MMACHC: variants seen among roughly 807,000 people sequenced by gnomAD.
MMACHC encodes cyanocobalamin reductase / alkylcobalamin dealkylase.
A neutral mutation model predicts 17.6 loss-of-function variants in MMACHC; 14 were observed. The ratio of observed to expected loss-of-function variants is 0.80; its 90% CI spans 0.53 to 1.25. MMACHC has a LOEUF of 1.25. MMACHC is among the 50% of genes most tolerant of loss of function. The pLI, the probability that MMACHC is intolerant of heterozygous loss-of-function variation, is 0.00. For missense variants in MMACHC, 392 were observed against 364.5 expected (o/e 1.08, Z -0.62); for synonymous variants, 151 against 142.1 (o/e 1.06, Z -0.45).
chr1:45,510,558 G>A lies in MMACHC; in HGVS notation c.*1343G>A, dbSNP rs1643722601. 6.8e-6 allele frequency: 1 copy of A among 146,856 alleles called. No homozygotes were observed. Among genetic ancestry groups the A allele is most frequent in the African/African-American group, 2.5e-5 (1 of 39,458 alleles). 9.1% of individuals were successfully genotyped at this position (146,856 alleles called of 1,614,324 possible). A position where few individuals can be genotyped will look rare whatever the true frequency, so the allele number is the denominator to read the frequency against. Reference sequence around the variant, plus strand: ...TCTCTAATCAAGGCTAGAACCAAGGGAAGGCTAAGAATTGCCCAGTACTGT... The same window carrying A: ...TCTCTAATCAAGGCTAGAACCAAGGAAAGGCTAAGAATTGCCCAGTACTGT... On this transcript the variant is annotated 3_prime_UTR_variant, in exon 4 of 4. Coordinates refer to ENST00000401061, the MANE Select transcript of MMACHC (RefSeq NM_015506.3).
chr1:45,505,401 C>G (rs1048058667), intron 1 of MMACHC, among the ~76,000 whole-genome samples: 13 of 151,820 alleles, frequency 8.6e-5, no homozygotes, highest in Non-Finnish European at 1.5e-4. Context: ...TAAGCCGAGG[C>G]TGCGCCATTG....
Position 45,503,470 on chromosome 1 carries a change from CT to C in MMACHC, c.81+3058del, listed in dbSNP as rs573367619. On this transcript the variant is annotated intron_variant, in intron 1 of 3. Coordinates refer to ENST00000401061, the MANE Select transcript of MMACHC (RefSeq NM_015506.3). Reference sequence around the variant, plus strand: ...TTTTTTTTTGAGATGGAGTCTCACTCTGTTGCCCCGGCTGGAGTGCAATGGC... The same window carrying C: ...TTTTTTTTTGAGATGGAGTCTCACTCGTTGCCCCGGCTGGAGTGCAATGGC... Among the ~76,000 whole-genome samples, 473 of 123,334 alleles carry C rather than the reference CT, an allele frequency of 3.8e-3. 1 individual carries two copies. Among genetic ancestry groups the C allele is most frequent in the African/African-American group, 0.014 (453 of 32,646 alleles). The allele number at this position is 123,334 out of a possible 152,430, so 80.9% of individuals were successfully genotyped here.
In MMACHC at chr1:45,508,972, T is replaced by C. The variant is rs748881103; in HGVS notation, c.606T>C (p.Asp202=). The change falls in exon 4 of 4, where the codon GAT becomes GAC. Residue 202 remains aspartate (D), a synonymous_variant. Coordinates refer to ENST00000401061, the MANE Select transcript of MMACHC (RefSeq NM_015506.3). ...AAGGCTTCAATTTCCACTGGCGTGA[T>C]TGGACTTACCGGGATGCTGTGACAC... ...LLEGFNFHWR[D]WTYRDAVTPQ... is the part of the protein sequence containing the mutation. 21 of 1,614,050 alleles carry C rather than the reference T, an allele frequency of 1.3e-5. No individual in the cohort carries two copies. Among genetic ancestry groups the C allele is most frequent in the Admixed American group, 3.3e-5 (2 of 60,000 alleles).
intron 2 of MMACHC, 152 bp downstream of exon 2, chr1:45,507,702 C>A: frequency 1.0e-6 from 1 of 960,928 alleles, no homozygotes; most frequent in South Asian, 1.4e-5. Flanking sequence ...GATCTTTCCT[C>A]ATTCTGCCTT....
rs535908216 is a variant in MMACHC, at chr1:45,509,884, C to G, written c.*669C>G. On this transcript the variant is annotated 3_prime_UTR_variant, in exon 4 of 4. Coordinates refer to ENST00000401061, the MANE Select transcript of MMACHC (RefSeq NM_015506.3). The stretch of plus-strand genomic sequence containing the variant: ...ATCATGAGGTCGAGTTTGAGACCAG[C>G]CTGGCCAATACAGTGAAACCCCGTC... 5 of 151,910 alleles carry G rather than the reference C, an allele frequency of 3.3e-5. No homozygotes were observed. Among genetic ancestry groups the G allele is most frequent in the Admixed American group, 2.0e-4 (3 of 15,260 alleles). 9.4% of individuals were successfully genotyped at this position (151,910 alleles called of 1,614,324 possible).
chr1:45,507,439 G>A lies in MMACHC; in HGVS notation c.165G>A (p.Thr55=), dbSNP rs369883781. 7.9e-5 allele frequency: 127 copies of A among 1,613,930 alleles called. No individual in the cohort carries two copies. The highest frequency in any genetic ancestry group is 3.3e-4 in the Admixed American group (20 of 59,984). Reference sequence around the variant, plus strand: ...CCCTGGCCTTCCTGGTACTCAGCACGCCTGCCATGTTTGACCGGGCCCTCA... The same window carrying A: ...CCCTGGCCTTCCTGGTACTCAGCACACCTGCCATGTTTGACCGGGCCCTCA... ...GPTLAFLVLS[T]PAMFDRALKP... The change falls in exon 2 of 4, where the codon ACG becomes ACA. Residue 55 remains threonine (T), a synonymous_variant. Coordinates refer to ENST00000401061, the MANE Select transcript of MMACHC (RefSeq NM_015506.3).
chr1:45,500,523 T>C (rs1405053709), intron 1 of MMACHC, 110 bp downstream of exon 1: 4 of 1,046,848 alleles, frequency 3.8e-6, no homozygotes, highest in Non-Finnish European at 5.9e-6. Context: ...CAGCCCAGTG[T>C]CCATGTGACA....
intron 1 of MMACHC, among the ~76,000 whole-genome samples, chr1:45,501,473 G>GA (rs1031026026): frequency 5.3e-5 from 8 of 152,096 alleles, no homozygotes; most frequent in Non-Finnish European, 1.2e-4. Context: ...GGTCTTGCCA[G>GA]AAAAAATGGA....
rs1553163069 is a variant in MMACHC at position 45,509,432 on chromosome 1, T to TTTTTTTA, written c.*217_*218insTTTTTTA. On this transcript the variant is annotated 3_prime_UTR_variant, in exon 4 of 4. Transcript: ENST00000401061. ...TTCAAATGAGTTTTTTTTTTTTTTT[T>TTTTTTTA]AGACAGAGTCTTACTCTGTCACCTA... 1.3e-5 allele frequency: 7 copies of TTTTTTTA among 539,850 alleles called. No homozygotes were observed. Among genetic ancestry groups the TTTTTTTA allele is most frequent in the South Asian group, 6.5e-5 (3 of 45,836 alleles). The allele number at this position is 539,850 out of a possible 1,614,324, so 33.4% of individuals were successfully genotyped here. A position where few individuals can be genotyped will look rare whatever the true frequency, so the allele number is the denominator to read the frequency against.
rs979852061 is a variant in MMACHC at position 45,510,510 on chromosome 1, C to T, written c.*1295C>T. ...AGGAATTCAGAACCACTCTGGGCAA[C>T]ATAATGACACTAAAAAAGACTATCT... On this transcript the variant is annotated 3_prime_UTR_variant, in exon 4 of 4. Transcript: ENST00000401061. The T allele has an allele frequency of 1.2e-4, 18 of 152,216 alleles. No homozygotes were observed. The highest frequency in any genetic ancestry group is 3.6e-4 in the African/African-American group (15 of 41,434). 9.4% of individuals were successfully genotyped at this position (152,216 alleles called of 1,614,324 possible).
chr1:45,511,704 C>A lies in MMACHC; in HGVS notation c.*2489C>A, dbSNP rs1027652096. 8 of 256,766 alleles carry A rather than the reference C, an allele frequency of 3.1e-5. No individual in the cohort carries two copies. Among genetic ancestry groups the A allele is most frequent in the Non-Finnish European group, 5.9e-5 (8 of 135,942 alleles). The allele number at this position is 256,766 out of a possible 1,614,324, so 15.9% of individuals were successfully genotyped here. A position where few individuals can be genotyped will look rare whatever the true frequency, so the allele number is the denominator to read the frequency against. ...AATAATTTGCCAACACTCTCTAATC[C>A]TTAAGGGGAAAAAAAAGCTAAATAA... is the stretch of plus-strand genomic sequence containing the variant. On this transcript the variant is annotated 3_prime_UTR_variant, in exon 4 of 4. Transcript: ENST00000401061.
rs774414508 is a variant in MMACHC, at chr1:45,507,405, C to G, written c.131C>G (p.Pro44Arg). Residue 44 changes from proline (P) to arginine (R), a missense_variant, in exon 2 of 4, where the codon CCA becomes CGA. Pro to Arg is a moderately radical substitution (Grantham distance 103). Coordinates refer to ENST00000401061, the MANE Select transcript of MMACHC (RefSeq NM_015506.3). ...LLPPAFHLPL[P>R]GPTLAFLVLS... The stretch of plus-strand genomic sequence containing the variant: ...CCTCCAGCCTTCCACCTACCGCTGC[C>G]AGGACCTACCCTGGCCTTCCTGGTA... 3 of 1,614,072 alleles carry G rather than the reference C, an allele frequency of 1.9e-6. No individual in the cohort carries two copies. The African/African-American group carries it at 4.0e-5, about 22-fold the overall frequency.
chr1:45,507,881 C>T (rs1643658707), intron 2 of MMACHC, among the ~76,000 whole-genome samples: 1 of 152,202 alleles, frequency 6.6e-6, no homozygotes. Flanking sequence ...TTGTCCTAGA[C>T]CTGCAAGCTT....
Position 45,501,332 on chromosome 1 carries a change from A to T in MMACHC, c.81+919A>T, listed in dbSNP as rs538792322. Among the ~76,000 whole-genome samples, 9 of 152,298 alleles carry T rather than the reference A, an allele frequency of 5.9e-5. No homozygotes were observed. The South Asian group carries it at 1.2e-3, about 21-fold the overall frequency. On this transcript the variant is annotated intron_variant, in intron 1 of 3. Transcript: ENST00000401061. The stretch of plus-strand genomic sequence containing the variant: ...ACTGAGCAGTTAAGTTACAAAGCTA[A>T]ATCAGCTCAGCTTGAGCCCTTTGCC...
Position 45,511,242 on chromosome 1 carries a change from G to T in MMACHC, c.*2027G>T. The T allele has an allele frequency of 8.8e-7, 1 of 1,139,390 alleles. No individual in the cohort carries two copies. The highest frequency in any genetic ancestry group is 1.3e-6 in the Non-Finnish European group (1 of 794,720). The allele number at this position is 1,139,390 out of a possible 1,614,324, so 70.6% of individuals were successfully genotyped here. ...ACAATTCGGCTGAATCTGAAGTCTTGTGTTTTACTAATGGAAAAAAAAAAT... is the reference window on the plus strand; with the variant it reads ...ACAATTCGGCTGAATCTGAAGTCTTTTGTTTTACTAATGGAAAAAAAAAAT... On this transcript the variant is annotated 3_prime_UTR_variant, in exon 4 of 4. Coordinates refer to ENST00000401061, the MANE Select transcript of MMACHC (RefSeq NM_015506.3).
At chr1:45,500,865 CAAAA>C (rs11374269) in intron 1 of MMACHC, among the ~76,000 whole-genome samples, 5 of 86,346 alleles carry the variant, frequency 5.8e-5, no homozygotes, top group African/African-American at 1.7e-4. Flanking sequence ...AACTCCGTGT[CAAAA>C]AAAAAAAAAA....
chr1:45,505,964 T>G (rs1189399819), intron 1 of MMACHC, among the ~76,000 whole-genome samples: 3 of 152,124 alleles, frequency 2.0e-5, no homozygotes, highest in Non-Finnish European at 4.4e-5. Context: ...TAGGGTTATA[T>G]AGCCTGGAAC....
chr1:45,501,754 G>A (rs1405451877), intron 1 of MMACHC, among the ~76,000 whole-genome samples: 1 of 152,102 alleles, frequency 6.6e-6, no homozygotes, highest in East Asian at 1.9e-4. Flanking sequence ...CTGGCAAGTT[G>A]AGTAGACCTG....
chr1:45,510,102 T>TTTTG lies in MMACHC; in HGVS notation c.*887_*888insTTTG, dbSNP rs1643713595. On this transcript the variant is annotated 3_prime_UTR_variant, in exon 4 of 4. Coordinates refer to ENST00000401061, the MANE Select transcript of MMACHC (RefSeq NM_015506.3). ...AAAAAAAAAAAAAAAAGTACCTACC[T>TTTTG]CAGGTAGGGACTGAATAAACACGTG... The TTTTG allele has an allele frequency of 6.7e-6, 1 of 149,980 alleles. No individual in the cohort carries two copies. The highest frequency in any genetic ancestry group is 6.7e-5 in the Admixed American group (1 of 15,034). 9.3% of individuals were successfully genotyped at this position (149,980 alleles called of 1,614,324 possible).
Sources: allele counts gnomAD v4.1 joint callset (sites outside exome capture counted in the v4.1 genomes callset), GRCh38; gene constraint gnomAD v4.1.1; transcripts MANE v1.5; gene names NCBI Gene and HGNC (gene_info 2026-07-23, HGNC 2026-07-21).